Variants in PDE4D observed in about 807,000 individuals in gnomAD.
The protein encoded by PDE4D is phosphodiesterase 4D.
PDE4D carries 24 observed loss-of-function variants against 87.4 expected under a neutral mutation model. That is an observed-to-expected ratio of 0.27 (90% confidence interval 0.20 to 0.39). The LOEUF (loss-of-function observed/expected upper bound fraction) is 0.39. Among genes scored for constraint, PDE4D ranks in the 10% least tolerant of loss-of-function variants. PDE4D has a pLI of 1.00. For missense variants in PDE4D, 714 were observed against 1,041.0 expected (o/e 0.69, Z 4.32); for synonymous variants, 384 against 383.2 (o/e 1.00, Z -0.02).
At position 59,781,807 on chromosome 5, in the gene PDE4D, A is replaced by T. The variant is rs1386230210; in HGVS notation, c.455+111361T>A. On this transcript the variant is annotated intron_variant, in intron 1 of 14. Transcript: ENST00000340635. ...CTCAAAAAAAAAAAAAAAAAAAAAAAAAAAAAAATCAACTCCTGATTTGTG... is the reference window on the plus strand; with the variant it reads ...CTCAAAAAAAAAAAAAAAAAAAAAATAAAAAAAATCAACTCCTGATTTGTG... Among the ~76,000 whole-genome samples, 426 of 151,256 alleles carry T rather than the reference A, an allele frequency of 2.8e-3. 4 individuals carry two copies. Among genetic ancestry groups the T allele is most frequent in the African/African-American group, 9.9e-3 (407 of 41,280 alleles).
intron 2 of PDE4D, among the ~76,000 whole-genome samples, chr5:60,053,504 C>T (rs1770438276): frequency 6.6e-6 from 1 of 152,162 alleles, no homozygotes; most frequent in Non-Finnish European, 1.5e-5. Flanking sequence ...GAAACTGAAA[C>T]TGGACCCCTT....
At chr5:59,733,702 T>C (rs1258067711) in intron 1 of PDE4D, among the ~76,000 whole-genome samples, 3 of 152,036 alleles carry the variant, frequency 2.0e-5, no homozygotes, top group African/African-American at 7.2e-5. Context: ...AATGTTGTTT[T>C]TGTGAATGGT....
At chr5:59,634,700 T>C (rs1370684925) in intron 1 of PDE4D, among the ~76,000 whole-genome samples, 1 of 151,992 alleles carries the variant, frequency 6.6e-6, no homozygotes, top group Non-Finnish European at 1.5e-5. Context: ...AGAACAAACA[T>C]ACAATGTACC....
intron 2 of PDE4D, among the ~76,000 whole-genome samples, chr5:60,181,107 C>T (rs1227761508): frequency 6.6e-6 from 1 of 151,962 alleles, no homozygotes; most frequent in Non-Finnish European, 1.5e-5. Context: ...ACAAAATGTA[C>T]CATCTTTTCT....
intron 5 of PDE4D, among the ~76,000 whole-genome samples, chr5:59,058,666 A>C (rs1762689486): frequency 6.6e-6 from 1 of 152,038 alleles, no homozygotes; most frequent in South Asian, 2.1e-4. Flanking sequence ...ACTACCCTCT[A>C]CCGGGGGCTT....
chr5:59,579,491 C>T (rs1583203239), intron 1 of PDE4D, among the ~76,000 whole-genome samples: 1 of 152,168 alleles, frequency 6.6e-6, no homozygotes, highest in Non-Finnish European at 1.5e-5. Context: ...TAAAGACATA[C>T]AATTAGTTGA....
intron 1 of PDE4D, among the ~76,000 whole-genome samples, chr5:59,755,002 T>C (rs1761023935): frequency 6.6e-6 from 1 of 152,204 alleles, no homozygotes; most frequent in Non-Finnish European, 1.5e-5. Flanking sequence ...CTTCCTATGG[T>C]GGAAGTATCA....
intron 11 of PDE4D, among the ~76,000 whole-genome samples, chr5:58,978,817 A>G (rs1744433550): frequency 6.6e-6 from 1 of 152,188 alleles, no homozygotes; most frequent in Non-Finnish European, 1.5e-5. Context: ...GAACTTTTAT[A>G]GTGTCTATAA....
chr5:59,885,113 A>G (rs1377124998), intron 1 of PDE4D, among the ~76,000 whole-genome samples: 4 of 151,932 alleles, frequency 2.6e-5, no homozygotes, highest in Non-Finnish European at 5.9e-5. Flanking sequence ...TTGGACTGCT[A>G]CCTTTACTAA....
chr5:60,212,370 C>T (rs1743327478), intron 1 of PDE4D, among the ~76,000 whole-genome samples: 1 of 152,130 alleles, frequency 6.6e-6, no homozygotes, highest in Admixed American at 6.6e-5. Flanking sequence ...GCAGGATGGG[C>T]ATGTAACCCA....
chr5:59,760,247 T>C (rs1761803555), intron 1 of PDE4D, among the ~76,000 whole-genome samples: 1 of 152,214 alleles, frequency 6.6e-6, no homozygotes, highest in African/African-American at 2.4e-5. Flanking sequence ...AAGAGAAATT[T>C]ATAGTAAACA....
At chr5:59,421,755 C>CT (rs1241025393) in intron 1 of PDE4D, among the ~76,000 whole-genome samples, 4 of 151,706 alleles carry the variant, frequency 2.6e-5, no homozygotes, top group South Asian at 2.1e-4. Context: ...GCTGAAAGAA[C>CT]TTTTTTTTAA....
At position 59,804,776 on chromosome 5, in the gene PDE4D, G is replaced by A. The variant is rs147740547; in HGVS notation, c.455+88392C>T. ...TGATTATTCTGGGTGTGCCAATAGCGTTGTTTCTTTTTCTATTTTTTGTTT... is the reference window on the plus strand; with the variant it reads ...TGATTATTCTGGGTGTGCCAATAGCATTGTTTCTTTTTCTATTTTTTGTTT... On this transcript the variant is annotated intron_variant, in intron 1 of 14. Coordinates refer to ENST00000340635, the MANE Select transcript of PDE4D (RefSeq NM_001104631.2). 4.5e-3 allele frequency among the ~76,000 whole-genome samples: 685 copies of A among 152,098 alleles called. 4 individuals are homozygous for A. Among genetic ancestry groups the A allele is most frequent in the Non-Finnish European group, 7.7e-3 (521 of 67,966 alleles).
intron 1 of PDE4D, among the ~76,000 whole-genome samples, chr5:60,370,776 T>C (rs989331184): frequency 1.6e-4 from 25 of 152,006 alleles, no homozygotes; most frequent in African/African-American, 4.3e-4. Context: ...TGTGTGTGTG[T>C]GCGTGCGTGC....
chr5:59,039,597 C>T (rs2153394403), intron 5 of PDE4D: 2 of 813,880 alleles, frequency 2.5e-6, no homozygotes, highest in East Asian at 1.2e-4. Context: ...CTCCCCCTCA[C>T]GCCCCTCTCG....
At chr5:58,987,076 T>C (rs1379395398) in intron 11 of PDE4D, among the ~76,000 whole-genome samples, 1 of 152,040 alleles carries the variant, frequency 6.6e-6, no homozygotes, top group African/African-American at 2.4e-5. Context: ...TCAAAATAAA[T>C]CAGGCCAGGC....
chr5:59,421,477 C>G (rs1817248), intron 1 of PDE4D, among the ~76,000 whole-genome samples: 125,306 of 152,026 alleles, frequency 0.82, 51,768 homozygotes, highest in South Asian at 0.88. Context: ...GGAAGGGACT[C>G]ATATAAGAAC....
At chr5:59,053,640 T>G (rs1262285197) in intron 5 of PDE4D, among the ~76,000 whole-genome samples, 1 of 105,236 alleles carries the variant, frequency 9.5e-6, no homozygotes. Context: ...GTTGTTTTGT[T>G]TTTTGTTTTT....
At chr5:59,411,160 T>TCA (rs1792616815) in intron 1 of PDE4D, among the ~76,000 whole-genome samples, 1 of 152,194 alleles carries the variant, frequency 6.6e-6, no homozygotes, top group South Asian at 2.1e-4. Context: ...TCTTGGTTCC[T>TCA]CAATTGCCAT....
Sources: allele counts gnomAD v4.1 joint callset (sites outside exome capture counted in the v4.1 genomes callset), GRCh38; gene constraint gnomAD v4.1.1; transcripts MANE v1.5; gene names NCBI Gene and HGNC (gene_info 2026-07-23, HGNC 2026-07-21).